Variants in GLIS1 observed in about 807,000 individuals in gnomAD.
GLIS1 encodes the protein GLIS family zinc finger 1.
GLIS1 carries 24 observed loss-of-function variants against 63.8 expected under a neutral mutation model. The ratio of observed to expected loss-of-function variants is 0.38; its 90% confidence interval spans 0.27 to 0.53. The LOEUF (loss-of-function observed/expected upper bound fraction) is 0.53, where lower values mean the gene tolerates loss of function less well. GLIS1 is among the 20% of genes least tolerant of loss of function. The pLI, the probability that GLIS1 is intolerant of heterozygous loss-of-function variation, is 0.85. For missense variants in GLIS1, 1,036 were observed against 1,074.1 expected (o/e 0.96, Z 0.50); for synonymous variants, 450 against 482.5 (o/e 0.93, Z 0.88).
intron 2 of GLIS1, among the ~76,000 whole-genome samples, chr1:53,685,359 C>A (rs1383394771): frequency 6.6e-6 from 1 of 152,226 alleles, no homozygotes; most frequent in African/African-American, 2.4e-5. Flanking sequence ...CCCAGAGCGC[C>A]GTGGTGTCTG....
intron 4 of GLIS1, among the ~76,000 whole-genome samples, chr1:53,580,947 A>C (rs1375455638): frequency 6.6e-6 from 1 of 152,202 alleles, no homozygotes; most frequent in Non-Finnish European, 1.5e-5. Flanking sequence ...CTGCTGCAGC[A>C]GCAGCTAATT....
In GLIS1 at chr1:53,687,290, C is replaced by T. The variant is rs371529386; in HGVS notation, c.259+50516G>A. Among the ~76,000 whole-genome samples, 8 of 152,292 alleles carry T rather than the reference C, an allele frequency of 5.3e-5. 1 individual carries two copies. The highest frequency in any genetic ancestry group is 1.4e-4 in the African/African-American group (6 of 41,580). On this transcript the variant is annotated intron_variant, in intron 2 of 10. Transcript: ENST00000628545. ...CCTTCATACCCTGCAAGGCACCACC[C>T]GCCCACCTGGGTCTCTCAGACATTT...
intron 2 of GLIS1, among the ~76,000 whole-genome samples, chr1:53,703,468 C>G (rs367696445): frequency 8.6e-5 from 13 of 151,836 alleles, no homozygotes; most frequent in Non-Finnish European, 7.4e-5. Context: ...AAGACCCCAT[C>G]TCTAAAAAAA....
At position 53,646,464 on chromosome 1, in the gene GLIS1, C is replaced by A. The variant is rs1310606748; in HGVS notation, c.260-46186G>T. On this transcript the variant is annotated intron_variant, in intron 2 of 10. Coordinates refer to ENST00000628545, the MANE Select transcript of GLIS1 (RefSeq NM_001367484.1). The surrounding 1 kb of genome is among the most constrained non-coding windows in gnomAD (Gnocchi z 4.2). Reference sequence around the variant, plus strand: ...CATTTATGGTAACATAGAATAACATCAAATACATACGGATAAATCTAACAC... The same window carrying A: ...CATTTATGGTAACATAGAATAACATAAAATACATACGGATAAATCTAACAC... Among the ~76,000 whole-genome samples, 1 of 152,122 alleles carries A rather than the reference C, an allele frequency of 6.6e-6. No homozygotes were observed. Among genetic ancestry groups the A allele is most frequent in the African/African-American group, 2.4e-5 (1 of 41,432 alleles).
rs1015595821 is a variant in GLIS1, at chr1:53,555,050, C to T, written c.1321-25098G>A. 1.6e-4 allele frequency among the ~76,000 whole-genome samples: 25 copies of T among 152,176 alleles called. 1 individual carries two copies. The highest frequency in any genetic ancestry group is 2.9e-4 in the Non-Finnish European group (20 of 68,026). ...CAGCTTCCCTAGGCTCAGGGACCCACGGGACTGGCATGTTTCAGAAAGAAC... is the reference window on the plus strand; with the variant it reads ...CAGCTTCCCTAGGCTCAGGGACCCATGGGACTGGCATGTTTCAGAAAGAAC... On this transcript the variant is annotated intron_variant, in intron 4 of 10. Transcript: ENST00000628545.
At chr1:53,681,026 G>A (rs986218782) in intron 2 of GLIS1, among the ~76,000 whole-genome samples, 2 of 152,252 alleles carry the variant, frequency 1.3e-5, no homozygotes, top group Non-Finnish European at 2.9e-5. Context: ...AATGTTTCCA[G>A]GGCCTTCAGC....
chr1:53,655,626 C>T (rs1355574919), intron 2 of GLIS1, among the ~76,000 whole-genome samples: 2 of 152,138 alleles, frequency 1.3e-5, no homozygotes, highest in Non-Finnish European at 2.9e-5. Flanking sequence ...ATATTTCTTC[C>T]CCCACCCCAC....
At chr1:53,720,125 A>G (rs950811587) in intron 2 of GLIS1, among the ~76,000 whole-genome samples, 1 of 152,240 alleles carries the variant, frequency 6.6e-6, no homozygotes, top group African/African-American at 2.4e-5. Context: ...GCAATGAGCC[A>G]AGATCGTGCC....
At chr1:53,619,814 GT>G (rs943629953) in intron 2 of GLIS1, among the ~76,000 whole-genome samples, 3 of 152,218 alleles carry the variant, frequency 2.0e-5, no homozygotes, top group Non-Finnish European at 4.4e-5. Flanking sequence ...AGATAATCTT[GT>G]TTTACATAAG....
chr1:53,662,934 C>T (rs138280861), intron 2 of GLIS1, among the ~76,000 whole-genome samples: 38 of 152,328 alleles, frequency 2.5e-4, no homozygotes, highest in Non-Finnish European at 5.0e-4. Context: ...AGCTGATGCA[C>T]AGAAAAGGTA....
chr1:53,627,443 C>T (rs947342583), intron 2 of GLIS1, among the ~76,000 whole-genome samples: 1 of 152,134 alleles, frequency 6.6e-6, no homozygotes, highest in African/African-American at 2.4e-5. Context: ...CCGCTTGCTG[C>T]TCCAGCTCCG....
intron 2 of GLIS1, chr1:53,733,989 TG>T: frequency 1.0e-6 from 1 of 985,060 alleles, no homozygotes; most frequent in Non-Finnish European, 1.2e-6. Flanking sequence ...TTCAACCAGG[TG>T]GTACCACCAA....
intron 2 of GLIS1, among the ~76,000 whole-genome samples, chr1:53,681,113 C>A (rs565883584): frequency 1.3e-5 from 2 of 152,354 alleles, no homozygotes; most frequent in East Asian, 3.9e-4. Context: ...TCCACACAAG[C>A]CTCTGAAATT....
At chr1:53,507,456 C>T (rs114476177) in intron 10 of GLIS1, among the ~76,000 whole-genome samples, 5 of 152,180 alleles carry the variant, frequency 3.3e-5, no homozygotes, top group Admixed American at 6.5e-5. Context: ...GTGGGGCCAC[C>T]GCTCAGAGGC....
At chr1:53,600,943 T>C (rs906018921) in intron 2 of GLIS1, among the ~76,000 whole-genome samples, 4 of 152,234 alleles carry the variant, frequency 2.6e-5, no homozygotes, top group Non-Finnish European at 5.9e-5. Context: ...CTGAAGCAGT[T>C]GATGTGAAAG....
chr1:53,632,684 G>A (rs1557492142), intron 2 of GLIS1, among the ~76,000 whole-genome samples: 2 of 149,922 alleles, frequency 1.3e-5, no homozygotes, highest in Admixed American at 1.3e-4. Context: ...GTGAATGAGT[G>A]TGAATGAGAC....
At chr1:53,728,464 C>T (rs576491105) in intron 2 of GLIS1, among the ~76,000 whole-genome samples, 1 of 152,216 alleles carries the variant, frequency 6.6e-6, no homozygotes, top group Admixed American at 6.5e-5. Context: ...CCTCATGTCA[C>T]AGATAAGAAA....
rs1458819926 is a variant in GLIS1 at position 53,594,230 on chromosome 1, T to C, written c.1198A>G (p.Lys400Glu). ...HIEKSHIDQRKGEDFTCFWAG... is the reference protein window; with the variant it reads ...HIEKSHIDQREGEDFTCFWAG... ...CAGAAGCAGGTGAAGTCCTCGCCCT[T>C]GCGCTGGTCGATGTGGCTCTTCTCG... Residue 400 changes from lysine to glutamate, a missense_variant, in exon 4 of 11, where the codon AAG (lysine) becomes GAG (glutamate). Around this residue, in one of 3 missense-constraint regions of GLIS1, gnomAD observed 592 missense variants for 593.9 expected, o/e 1.00. Transcript: ENST00000628545. 3 of 1,613,736 alleles carry C rather than the reference T, an allele frequency of 1.9e-6. No homozygotes were observed. Among genetic ancestry groups the C allele is most frequent in the Non-Finnish European group, 2.5e-6 (3 of 1,179,978 alleles).
rs1226712591 is a variant in GLIS1, at chr1:53,637,749, T to C, written c.260-37471A>G. On this transcript the variant is annotated intron_variant, in intron 2 of 10. Transcript: ENST00000628545. The stretch of plus-strand genomic sequence containing the variant: ...TTGGCTGGTGGCCTCGCAGTGACTG[T>C]ACCATTGTGGGGAAATGTCACCATC... Among the ~76,000 whole-genome samples the C allele has an allele frequency of 2.0e-5, 3 of 152,176 alleles. No individual in the cohort carries two copies. The East Asian group carries it at 5.8e-4, about 29-fold the overall frequency.
Sources: allele counts gnomAD v4.1 joint callset (sites outside exome capture counted in the v4.1 genomes callset), GRCh38; gene constraint gnomAD v4.1.1; regional missense constraint gnomAD v4.1.1; non-coding constraint Gnocchi (gnomAD v3.1); transcripts MANE v1.5; gene names NCBI Gene and HGNC (gene_info 2026-07-23, HGNC 2026-07-21).